The following SLC23A2 variants were observed in gnomAD, a reference collection of about 807,000 sequenced individuals.
SLC23A2 encodes the protein Na(+)/L-ascorbic acid transporter 2.
In SLC23A2, 36 loss-of-function variants were observed where a neutral mutation model predicts 73.3. The ratio of observed to expected loss-of-function variants is 0.49; its 90% CI spans 0.38 to 0.65. The LOEUF (loss-of-function observed/expected upper bound fraction) is 0.65. Ranked by LOEUF, SLC23A2 falls within the 30% of genes least tolerant of loss-of-function variation. SLC23A2 has a pLI of 0.00. For missense variants in SLC23A2, 507 were observed against 841.6 expected, an observed-to-expected ratio of 0.60 and a Z score of 4.92; for synonymous variants, 343 against 327.3, an observed-to-expected ratio of 1.05 and a Z score of -0.52.
rs1256596979 is a variant in SLC23A2 at position 4,857,089 on chromosome 20, T to C, written c.1836A>G (p.Lys612=). The part of the protein sequence containing the change: ...NLPFGMNIIK[K]YRCFSYLPIS... The stretch of plus-strand genomic sequence containing the variant: ...TGGGTAAGTAGCTGAAGCATCTGTA[T>C]TTTTTTATAATGTTCATGCCAAATG... The change falls in exon 17 of 17, where the codon AAA becomes AAG. Residue 612 remains lysine (K), a synonymous_variant. Transcript: ENST00000338244. This position sits in a 1 kb window ranked among gnomAD's most constrained non-coding sequence, Gnocchi z 4.0. The C allele has an allele frequency of 1.9e-6, 3 of 1,613,596 alleles. No individual in the cohort carries two copies. In the Admixed American group the frequency reaches 5.0e-5, roughly 27 times the overall value.
chr20:4,860,038 T>C (rs1929895362), intron 15 of SLC23A2, among the ~76,000 whole-genome samples: 2 of 152,178 alleles, frequency 1.3e-5, no homozygotes, highest in South Asian at 4.1e-4. Flanking sequence ...GATAGTAAAA[T>C]GGTGCAGCCG....
intron 2 of SLC23A2, among the ~76,000 whole-genome samples, chr20:4,949,385 C>T (rs114820845): frequency 1.5e-3 from 230 of 151,502 alleles, no homozygotes; most frequent in African/African-American, 5.5e-3. Flanking sequence ...AATTTACTTA[C>T]ATCGTTTTTA....
At chr20:4,913,606 G>GTTT (rs573042876) in intron 3 of SLC23A2, among the ~76,000 whole-genome samples, 2 of 151,418 alleles carry the variant, frequency 1.3e-5, no homozygotes, top group East Asian at 3.9e-4. Flanking sequence ...GTTTTTTTAG[G>GTTT]TTTTGTTGTT....
intron 1 of SLC23A2, among the ~76,000 whole-genome samples, chr20:4,972,642 C>A (rs6053003): frequency 0.44 from 66,611 of 150,990 alleles, 14,776 homozygotes; most frequent in South Asian, 0.53. Flanking sequence ...GCTGGAGTGC[C>A]GTGGCGCAAT....
intron 2 of SLC23A2, among the ~76,000 whole-genome samples, chr20:4,943,258 T>C (rs555261770): frequency 4.7e-4 from 71 of 152,106 alleles, no homozygotes; most frequent in African/African-American, 1.7e-3. Context: ...GGCAAATCCA[T>C]CATTTGCTCT....
At chr20:4,942,552 A>C (rs1232917338) in intron 2 of SLC23A2, among the ~76,000 whole-genome samples, 1 of 152,162 alleles carries the variant, frequency 6.6e-6, no homozygotes, top group African/African-American at 2.4e-5. Context: ...ACCCACCAAC[A>C]ATCACGCACA....
In SLC23A2 at chr20:4,856,298, A is replaced by C. The variant is rs1929710325; in HGVS notation, c.*674T>G. The C allele has an allele frequency of 6.6e-6, 1 of 152,294 alleles. No homozygotes were observed. Among genetic ancestry groups the C allele is most frequent in the African/African-American group, 2.4e-5 (1 of 41,462 alleles). The allele number at this position is 152,294 out of a possible 1,614,324, so 9.4% of individuals were successfully genotyped here. On this transcript the variant is annotated 3_prime_UTR_variant, in exon 17 of 17. Coordinates refer to ENST00000338244, the MANE Select transcript of SLC23A2 (RefSeq NM_005116.6). This position sits in a 1 kb window ranked among gnomAD's most constrained non-coding sequence, Gnocchi z 4.6. Reference sequence around the variant, plus strand: ...GGCCAGGGTGGCCAAGAGAAGGTGCAGCCGAGAATCAGATATTGGCTTCAG... The same window carrying C: ...GGCCAGGGTGGCCAAGAGAAGGTGCCGCCGAGAATCAGATATTGGCTTCAG...
intron 12 of SLC23A2, chr20:4,869,054 C>A (rs1391731915): frequency 6.6e-6 from 1 of 152,168 alleles, no homozygotes; most frequent in Non-Finnish European, 1.5e-5. Context: ...CAAACGGTAT[C>A]CTTGTGCTTT....
intron 6 of SLC23A2, among the ~76,000 whole-genome samples, chr20:4,898,171 G>A (rs934438116): frequency 5.9e-5 from 9 of 152,214 alleles, no homozygotes; most frequent in East Asian, 1.9e-4. Flanking sequence ...CCCCTGGGGG[G>A]TTTGAGGAGA....
At chr20:4,878,442 T>TCC (rs1930742155) in intron 9 of SLC23A2, among the ~76,000 whole-genome samples, 1 of 152,210 alleles carries the variant, frequency 6.6e-6, no homozygotes, top group South Asian at 2.1e-4. Flanking sequence ...CACCTTGGCC[T>TCC]CCTAAAGTGC....
intron 4 of SLC23A2, among the ~76,000 whole-genome samples, chr20:4,907,648 A>G (rs966966511): frequency 6.6e-6 from 1 of 152,146 alleles, no homozygotes; most frequent in African/African-American, 2.4e-5. Context: ...CTGGAAGTCA[A>G]AGGTAGCTCT....
chr20:4,991,648 G>C (rs1412671946), intron 1 of SLC23A2, among the ~76,000 whole-genome samples: 1 of 151,404 alleles, frequency 6.6e-6, no homozygotes, highest in East Asian at 1.9e-4. Context: ...CTTGAATCCA[G>C]GAGGCGGAGG....
At chr20:4,974,849 G>A (rs537172381) in intron 1 of SLC23A2, among the ~76,000 whole-genome samples, 2 of 152,248 alleles carry the variant, frequency 1.3e-5, no homozygotes, top group East Asian at 1.9e-4. Context: ...GTGCAGTAGC[G>A]TGATCTCAGC....
intron 9 of SLC23A2, among the ~76,000 whole-genome samples, chr20:4,880,136 C>T (rs1425374287): frequency 6.6e-6 from 1 of 152,162 alleles, no homozygotes. Flanking sequence ...CCATGGTTCT[C>T]CTTTTGTATT....
upstream of SLC23A2, among the ~76,000 whole-genome samples, chr20:5,004,534 C>T (rs2088168466): frequency 6.6e-6 from 1 of 152,150 alleles, no homozygotes; most frequent in South Asian, 2.1e-4. Context: ...GAAAATCCTT[C>T]AGGGCCTCCC....
At chr20:4,979,692 A>G (rs1465296489) in intron 1 of SLC23A2, among the ~76,000 whole-genome samples, 1 of 152,212 alleles carries the variant, frequency 6.6e-6, no homozygotes, top group Admixed American at 6.5e-5. Context: ...GCAAATAAGA[A>G]ATCTATAAAA....
upstream of SLC23A2, among the ~76,000 whole-genome samples, chr20:5,004,359 A>G (rs1568665855): frequency 6.6e-6 from 1 of 152,172 alleles, no homozygotes; most frequent in Non-Finnish European, 1.5e-5. Context: ...AGTATTTCTG[A>G]AATTCTCTTC....
intron 15 of SLC23A2, among the ~76,000 whole-genome samples, chr20:4,861,263 T>C (rs184082547): frequency 0.012 from 1,812 of 152,274 alleles, 15 homozygotes; most frequent in Non-Finnish European, 0.017. Context: ...GGGTTTTATT[T>C]TGGGGTAATG....
intron 9 of SLC23A2, among the ~76,000 whole-genome samples, chr20:4,881,066 T>A (rs1188954341): frequency 6.6e-6 from 1 of 152,108 alleles, no homozygotes; most frequent in Non-Finnish European, 1.5e-5. Flanking sequence ...GTGTGGGGGA[T>A]GAGGCGAAAG....
Sources: allele counts gnomAD v4.1 joint callset (sites outside exome capture counted in the v4.1 genomes callset), GRCh38; gene constraint gnomAD v4.1.1; non-coding constraint Gnocchi (gnomAD v3.1); transcripts MANE v1.5; gene names NCBI Gene and HGNC (gene_info 2026-07-23, HGNC 2026-07-21).